Variants in DNAH14 observed in about 807,000 individuals in gnomAD.
The protein encoded by DNAH14 is axonemal beta dynein heavy chain 14.
A neutral mutation model predicts 520.9 loss-of-function variants in DNAH14; 478 were observed. The ratio of observed to expected loss-of-function variants is 0.92; its 90% confidence interval spans 0.85 to 0.99. The LOEUF is 0.99. DNAH14 is among the 50% of genes least tolerant of loss of function. The pLI is 0.00. For missense variants in DNAH14, 4,831 were observed against 5,234.5 expected, an observed-to-expected ratio of 0.92 and a Z score of 2.38; for synonymous variants, 1,581 against 1,757.2, an observed-to-expected ratio of 0.90 and a Z score of 2.51.
intron 66 of DNAH14, 129 bp from the exon 67 acceptor site, chr1:225,337,137 C>G (rs1200435453): frequency 1.2e-6 from 1 of 835,738 alleles, no homozygotes; most frequent in African/African-American, 1.7e-5. Context: ...TGTTCATTTC[C>G]TTAGCATTTT....
At chr1:225,346,700 G>A (rs775730346) in intron 71 of DNAH14, 46 bp downstream of exon 71, 3 of 1,439,472 alleles carry the variant, frequency 2.1e-6, no homozygotes, top group African/African-American at 1.4e-5. Flanking sequence ...TCCATTAAAA[G>A]TGTGTTTCCT....
At chr1:225,332,645 ATTG>A (rs1233107177) in intron 65 of DNAH14, among the ~76,000 whole-genome samples, 2 of 152,010 alleles carry the variant, frequency 1.3e-5, no homozygotes, top group African/African-American at 4.8e-5. Context: ...TGCTGTTATT[ATTG>A]TTGTTGTTGA....
chr1:225,002,043 A>T (rs1212806749), intron 8 of DNAH14, among the ~76,000 whole-genome samples: 2 of 152,162 alleles, frequency 1.3e-5, no homozygotes, highest in Non-Finnish European at 2.9e-5. Context: ...GGGAAGAGAT[A>T]ATTTCTGATT....
intron 5 of DNAH14, among the ~76,000 whole-genome samples, chr1:224,966,217 G>T (rs1278890991): frequency 1.3e-5 from 2 of 152,002 alleles, no homozygotes; most frequent in Admixed American, 1.3e-4. Context: ...ATTAGAAGCT[G>T]AAATAAGAAA....
chr1:225,284,607 G>A (rs1030473795), intron 54 of DNAH14, among the ~76,000 whole-genome samples: 1 of 152,056 alleles, frequency 6.6e-6, no homozygotes, highest in Non-Finnish European at 1.5e-5. Context: ...CCAGAAAATA[G>A]AAGAGGGAAT....
At chr1:225,053,707 G>C (rs2068767254) in intron 17 of DNAH14, among the ~76,000 whole-genome samples, 1 of 152,140 alleles carries the variant, frequency 6.6e-6, no homozygotes, top group Admixed American at 6.5e-5. Context: ...AGTTAATTAT[G>C]TTTTCAGGTT....
chr1:225,224,174 G>C (rs185266194), intron 41 of DNAH14, among the ~76,000 whole-genome samples: 14 of 151,866 alleles, frequency 9.2e-5, no homozygotes, highest in African/African-American at 3.4e-4. Flanking sequence ...GATAAGTTAC[G>C]AATCCTGTTT....
At chr1:224,934,886 A>C (rs1236818356) in intron 1 of DNAH14, among the ~76,000 whole-genome samples, 3 of 151,962 alleles carry the variant, frequency 2.0e-5, no homozygotes, top group African/African-American at 7.2e-5. Flanking sequence ...AAATGCCAAA[A>C]GAAAAAAATG....
At chr1:224,967,790 C>T in intron 6 of DNAH14, 2 of 1,427,680 alleles carry the variant, frequency 1.4e-6, no homozygotes, top group Non-Finnish European at 9.2e-7. Flanking sequence ...GAAGATTCAA[C>T]TTTAATAAAT....
chr1:225,343,133 A>G (rs1442235919), intron 69 of DNAH14, among the ~76,000 whole-genome samples: 1 of 152,194 alleles, frequency 6.6e-6, no homozygotes, highest in South Asian at 2.1e-4. Context: ...CTTAATGTTG[A>G]TATTTCTTCC....
chr1:225,139,141 A>C (rs2079209396), intron 27 of DNAH14, among the ~76,000 whole-genome samples: 1 of 152,172 alleles, frequency 6.6e-6, no homozygotes, highest in South Asian at 2.1e-4. Context: ...TTTGTTCTCC[A>C]CTTGACTGAA....
chr1:224,996,786 G>A lies in DNAH14; in HGVS notation c.831-5997G>A, dbSNP rs543157057. ...GATGGGCACTGCTTAGGATGGAGGG[G>A]ACCAGCTGATATGCTTAGTAGAAAT... On this transcript the variant is annotated intron_variant, in intron 8 of 85. Coordinates refer to ENST00000682510, the MANE Select transcript of DNAH14 (RefSeq NM_001367479.1). 1.1e-4 allele frequency among the ~76,000 whole-genome samples: 17 copies of A among 152,292 alleles called. No homozygotes were observed. The South Asian group carries it at 3.5e-3, about 32-fold the overall frequency.
intron 21 of DNAH14, among the ~76,000 whole-genome samples, chr1:225,092,780 A>G (rs2074513691): frequency 6.6e-6 from 1 of 151,168 alleles, no homozygotes; most frequent in African/African-American, 2.4e-5. Context: ...TCTAGCTACA[A>G]TCATAAGAAA....
chr1:225,330,804 A>T (rs2094779629), intron 64 of DNAH14, among the ~76,000 whole-genome samples: 1 of 152,214 alleles, frequency 6.6e-6, no homozygotes, highest in African/African-American at 2.4e-5. Flanking sequence ...AAAGAGTATA[A>T]TTTGATTGTT....
chr1:225,324,169 T>A lies in DNAH14; in HGVS notation c.9496-53T>A, dbSNP rs572147266. On this transcript the variant is annotated intron_variant, in intron 62 of 85. Coordinates refer to ENST00000682510, the MANE Select transcript of DNAH14 (RefSeq NM_001367479.1). The stretch of plus-strand genomic sequence containing the variant: ...AATCTAGTGTAGACTGGGGAAAACT[T>A]CAGGTGAATAATATTTCTTTCTCAT... The A allele has an allele frequency of 2.4e-4, 364 of 1,541,506 alleles. 3 individuals are homozygous for A. The East Asian group carries it at 8.8e-3, about 37-fold the overall frequency.
chr1:225,065,513 C>G (rs1342405808), intron 17 of DNAH14, among the ~76,000 whole-genome samples: 1 of 151,446 alleles, frequency 6.6e-6, no homozygotes, highest in Non-Finnish European at 1.5e-5. Flanking sequence ...GACCATCATT[C>G]CATTTCCCCC....
rs1342921117 is a variant in DNAH14, at chr1:225,377,204, A to G, written c.12517-33A>G. ...AAAGTGTTCAGAAGTAGCAGGATTG[A>G]AGAAAAAAGCTAACAAAATGTTAAA... On this transcript the variant is annotated intron_variant, in intron 78 of 85. Transcript: ENST00000682510. 5.7e-6 allele frequency: 8 copies of G among 1,403,210 alleles called. 1 individual carries two copies. Among genetic ancestry groups the G allele is most frequent in the Non-Finnish European group, 7.5e-6 (8 of 1,071,564 alleles). 86.9% of individuals were successfully genotyped at this position (1,403,210 alleles called of 1,614,324 possible). A position where few individuals can be genotyped will look rare whatever the true frequency, so the allele number is the denominator to read the frequency against.
At chr1:225,184,185 C>A (rs142259317) in intron 36 of DNAH14, among the ~76,000 whole-genome samples, 5 of 152,228 alleles carry the variant, frequency 3.3e-5, no homozygotes, top group African/African-American at 1.2e-4. Context: ...AAATCCTCAA[C>A]AAAATACTAG....
At chr1:225,224,772 G>A (rs2090381545) in intron 41 of DNAH14, among the ~76,000 whole-genome samples, 1 of 152,130 alleles carries the variant, frequency 6.6e-6, no homozygotes, top group Admixed American at 6.5e-5. Flanking sequence ...TGGATTTACT[G>A]GCACTCAGAG....
Sources: gnomAD v4.1 joint callset for allele counts (sites outside exome capture counted in the v4.1 genomes callset) on GRCh38, gnomAD v4.1.1 for gene constraint, MANE v1.5 for transcripts, NCBI Gene and HGNC (gene_info 2026-07-23, HGNC 2026-07-21) for gene names.